SLC39A8: variants seen among roughly 807,000 people sequenced by gnomAD.
SLC39A8 encodes the protein solute carrier family 39 member 8.
Under a neutral mutation model 40.4 loss-of-function variants are expected in SLC39A8, and 15 were observed. That is an observed-to-expected ratio of 0.37 (90% CI 0.25 to 0.57). The LOEUF (loss-of-function observed/expected upper bound fraction) is 0.57, where lower values mean the gene tolerates loss of function less well. Ranked by LOEUF, SLC39A8 falls within the 20% of genes least tolerant of loss-of-function variation. The pLI is 0.75. For missense variants in SLC39A8, 472 were observed against 558.8 expected, an observed-to-expected ratio of 0.84 and a Z score of 1.57; for synonymous variants, 223 against 221.6, an observed-to-expected ratio of 1.01 and a Z score of -0.06.
rs969111794 is a variant in SLC39A8 at position 102,268,440 on chromosome 4, A to T, written c.841-361T>A. Among the ~76,000 whole-genome samples, 5 of 152,254 alleles carry T rather than the reference A, an allele frequency of 3.3e-5. No individual in the cohort carries two copies. In the East Asian group the frequency reaches 9.6e-4, roughly 29 times the overall value. On this transcript the variant is annotated intron_variant, in intron 6 of 8. Coordinates refer to ENST00000356736, the MANE Select transcript of SLC39A8 (RefSeq NM_001135146.2). Reference sequence around the variant, plus strand: ...TTAAAATGAAGGAAGTTATTCAAAGACTAAACTTAAAGTCTTTTTTATGTT... The same window carrying T: ...TTAAAATGAAGGAAGTTATTCAAAGTCTAAACTTAAAGTCTTTTTTATGTT...
chr4:102,270,511 GCCTATCTCTCTCTTT>G, intron 6 of SLC39A8, among the ~76,000 whole-genome samples: 1 of 152,136 alleles, frequency 6.6e-6, no homozygotes, highest in East Asian at 1.9e-4. Flanking sequence ...TAGTGAATAT[GCCTATCTCTCTCTTT>G]CCTTTTTAAA....
At chr4:102,309,476 C>A (rs1449353244) in intron 3 of SLC39A8, among the ~76,000 whole-genome samples, 1 of 152,068 alleles carries the variant, frequency 6.6e-6, no homozygotes. Context: ...TACTACTAGT[C>A]CCCACAGACA....
chr4:102,261,638 A>G (rs2149000426), downstream of SLC39A8: 1 of 918,372 alleles, frequency 1.1e-6, no homozygotes, highest in South Asian at 5.0e-5. Flanking sequence ...CAACAGGACA[A>G]ATATTAAATA....
downstream of SLC39A8, among the ~76,000 whole-genome samples, chr4:102,258,969 A>C (rs1468782825): frequency 1.3e-5 from 2 of 152,202 alleles, no homozygotes; most frequent in Non-Finnish European, 2.9e-5. Context: ...ATATTCGTCT[A>C]CCTTTTATCC....
In SLC39A8 at chr4:102,267,591, C is replaced by A; in HGVS notation, c.1132G>T (p.Val378Phe). 1.2e-6 allele frequency: 2 copies of A among 1,614,048 alleles called. No individual in the cohort carries two copies. ...ACCAAAATGCCAAAAGCTAGCCCAA[C>A]ATAGCAGGAACATGCAGAAAGGAAG... is the stretch of plus-strand genomic sequence containing the variant. The part of the protein sequence containing the change: ...FNFLSACSCY[V>F]GLAFGILVGN... The change falls in exon 8 of 9, where the codon GTT becomes TTT. Residue 378 changes from valine to phenylalanine, a missense_variant. Coordinates refer to ENST00000356736, the MANE Select transcript of SLC39A8 (RefSeq NM_001135146.2).
intron 5 of SLC39A8, 100 bp from the exon 6 acceptor site, chr4:102,304,581 T>C: frequency 1.1e-6 from 1 of 926,334 alleles, no homozygotes; most frequent in South Asian, 1.9e-5. Flanking sequence ...AAGAGGAAAA[T>C]TGTATGTCTA....
chr4:102,339,386 C>A (rs1374090398), intron 2 of SLC39A8, among the ~76,000 whole-genome samples: 1 of 151,694 alleles, frequency 6.6e-6, no homozygotes, highest in Admixed American at 6.6e-5. Flanking sequence ...TTCCCAGAAA[C>A]ACCCTCATCT....
At chr4:102,289,155 TA>T (rs1417319398) in intron 6 of SLC39A8, among the ~76,000 whole-genome samples, 1 of 152,182 alleles carries the variant, frequency 6.6e-6, no homozygotes, top group Admixed American at 6.6e-5. Flanking sequence ...CCAAAACTTC[TA>T]GGGCCCTTAA....
At chr4:102,338,452 C>T (rs1285743739) in intron 2 of SLC39A8, among the ~76,000 whole-genome samples, 1 of 152,104 alleles carries the variant, frequency 6.6e-6, no homozygotes, top group East Asian at 1.9e-4. Flanking sequence ...TCCCAAAGTG[C>T]TGGGATTACA....
intron 11 of SLC39A8, among the ~76,000 whole-genome samples, chr4:102,254,416 A>G (rs566329215): frequency 6.6e-6 from 1 of 152,304 alleles, no homozygotes; most frequent in Admixed American, 6.5e-5. Flanking sequence ...TTTTTTCCTT[A>G]TTCTCTACCA....
At chr4:102,276,745 T>C (rs1229301617) in intron 6 of SLC39A8, among the ~76,000 whole-genome samples, 1 of 152,200 alleles carries the variant, frequency 6.6e-6, no homozygotes, top group South Asian at 2.1e-4. Flanking sequence ...CTCAATAAAA[T>C]ACTGGTATAC....
chr4:102,327,378 C>T (rs1161121760), intron 2 of SLC39A8, among the ~76,000 whole-genome samples: 1 of 152,200 alleles, frequency 6.6e-6, no homozygotes, highest in Non-Finnish European at 1.5e-5. Context: ...GATGAATACT[C>T]TATCCTAACC....
At position 102,344,706 on chromosome 4, in the gene SLC39A8, G is replaced by A; in HGVS notation, c.-44C>T. On this transcript the variant is annotated 5_prime_UTR_variant, in exon 2 of 9. Coordinates refer to ENST00000356736, the MANE Select transcript of SLC39A8 (RefSeq NM_001135146.2). ...TTGAGGGCCCGCGACGGGCTGCCGC[G>A]CAGAGGGACGCGCGCGGGCGCACTG... The A allele has an allele frequency of 7.2e-7, 1 of 1,386,414 alleles. No individual in the cohort carries two copies. The highest frequency in any genetic ancestry group is 9.3e-7 in the Non-Finnish European group (1 of 1,078,158). The allele number at this position is 1,386,414 out of a possible 1,614,324, so 85.9% of individuals were successfully genotyped here.
intron 2 of SLC39A8, among the ~76,000 whole-genome samples, chr4:102,337,378 A>C (rs1735718077): frequency 6.6e-6 from 1 of 152,164 alleles, no homozygotes; most frequent in Admixed American, 6.5e-5. Flanking sequence ...AGATAAGAAT[A>C]AATCATGGAA....
downstream of SLC39A8, among the ~76,000 whole-genome samples, chr4:102,257,046 G>A (rs1036135104): frequency 3.3e-5 from 5 of 152,062 alleles, no homozygotes; most frequent in East Asian, 1.9e-4. Flanking sequence ...AACTAGGTAC[G>A]GAAATTGAGA....
intron 6 of SLC39A8, among the ~76,000 whole-genome samples, chr4:102,292,562 T>C (rs992645523): frequency 1.6e-4 from 24 of 152,206 alleles, no homozygotes; most frequent in Admixed American, 5.2e-4. Context: ...GAAACCCCAC[T>C]GCATAAAATG....
intron 6 of SLC39A8, among the ~76,000 whole-genome samples, chr4:102,297,466 A>C (rs1733726130): frequency 6.6e-6 from 1 of 152,136 alleles, no homozygotes; most frequent in Non-Finnish European, 1.5e-5. Flanking sequence ...ATATAGTCTT[A>C]TTTCAGAATT....
downstream of SLC39A8, among the ~76,000 whole-genome samples, chr4:102,258,259 T>C (rs1731759315): frequency 6.6e-6 from 1 of 152,106 alleles, no homozygotes; most frequent in African/African-American, 2.4e-5. Flanking sequence ...TGTGTGTAAG[T>C]ACTAATTTTT....
At chr4:102,320,367 T>A (rs866880451) in intron 2 of SLC39A8, among the ~76,000 whole-genome samples, 2 of 106,180 alleles carry the variant, frequency 1.9e-5, no homozygotes, top group African/African-American at 7.9e-5. Flanking sequence ...TATATATGAG[T>A]ATATATATAT....
Sources: allele counts gnomAD v4.1 joint callset (sites outside exome capture counted in the v4.1 genomes callset), GRCh38; gene constraint gnomAD v4.1.1; transcripts MANE v1.5; gene names NCBI Gene and HGNC (gene_info 2026-07-23, HGNC 2026-07-21).